The following DMD variants were observed in gnomAD, a reference collection of about 807,000 sequenced individuals.
DMD encodes mutant dystrophin.
DMD carries 63 observed loss-of-function variants against 330.1 expected under a neutral mutation model. The observed-to-expected ratio is 0.19, with a 90% confidence interval of 0.16 to 0.24. The LOEUF is 0.24. DMD is among the 10% of genes least tolerant of loss of function. The probability of loss-of-function intolerance (pLI) is 1.00; values close to 1 mark genes in which losing one functional copy is unlikely to be tolerated. For missense variants in DMD, 3,344 were observed against 2,684.1 expected (o/e 1.25, Z -5.43); for synonymous variants, 1,223 against 959.8 (o/e 1.27, Z -5.07).
intron 55 of DMD, among the ~76,000 whole-genome samples, chrX:31,606,927 T>C (rs1047610371): frequency 1.1e-4 from 12 of 112,095 alleles, no homozygotes; most frequent in African/African-American, 3.9e-4. Flanking sequence ...GATCAACAGA[T>C]TGCATACATT....
At chrX:32,700,319 A>G (rs2063999325) in intron 7 of DMD, among the ~76,000 whole-genome samples, 1 of 111,431 alleles carries the variant, frequency 9.0e-6, no homozygotes, top group Non-Finnish European at 1.9e-5. Flanking sequence ...AGGCACAGAA[A>G]GATAAGTACC....
At chrX:31,265,461 T>C (rs2050946363) in intron 62 of DMD, among the ~76,000 whole-genome samples, 1 of 111,790 alleles carries the variant, frequency 8.9e-6, no homozygotes, top group Non-Finnish European at 1.9e-5. Flanking sequence ...TCTGTCTGGC[T>C]AAAGCCAGGG....
At chrX:31,949,138 G>T (rs770725902) in intron 45 of DMD, among the ~76,000 whole-genome samples, 1 of 110,763 alleles carries the variant, frequency 9.0e-6, no homozygotes, top group South Asian at 3.8e-4. Flanking sequence ...TATAAATTGT[G>T]GGATCAATTT....
At chrX:31,811,988 CA>C (rs755731919) in intron 50 of DMD, among the ~76,000 whole-genome samples, 3 of 107,347 alleles carry the variant, frequency 2.8e-5, no homozygotes, top group African/African-American at 6.8e-5. Flanking sequence ...GCCATTTTCA[CA>C]AAAAAAATGA....
intron 59 of DMD, among the ~76,000 whole-genome samples, chrX:31,469,772 T>G (rs1333457146): frequency 8.9e-6 from 1 of 112,113 alleles, no homozygotes; most frequent in Non-Finnish European, 1.9e-5. Context: ...GTTTTCCAAC[T>G]TGGTTCCATT....
At chrX:31,734,371 T>C (rs1231641120) in intron 51 of DMD, among the ~76,000 whole-genome samples, 1 of 111,307 alleles carries the variant, frequency 9.0e-6, no homozygotes, top group Non-Finnish European at 1.9e-5. Flanking sequence ...AGCGTGGCTT[T>C]AGTACCATAA....
rs1057354191 is a variant in DMD at position 31,121,038 on chromosome X, G to A, written c.*881C>T. The A allele has an allele frequency of 8.9e-6, 1 of 111,806 alleles. No individual in the cohort carries two copies. Among genetic ancestry groups the A allele is most frequent in the Admixed American group, 9.6e-5 (1 of 10,425 alleles). 9.2% of individuals were successfully genotyped at this position (111,806 alleles called of 1,213,427 possible). ...ATCTGGAGCTGTAGACAATGTTTTA[G>A]TGTGGTGTAGTTTCCTCCTGGCTTC... On this transcript the variant is annotated 3_prime_UTR_variant, in exon 79 of 79. Coordinates refer to ENST00000357033, the MANE Select transcript of DMD (RefSeq NM_004006.3).
chrX:32,879,021 A>AAAAAAAAAAAAAAAC (rs1352069437), intron 2 of DMD, among the ~76,000 whole-genome samples: 10 of 101,776 alleles, frequency 9.8e-5, no homozygotes, highest in South Asian at 4.2e-4. Flanking sequence ...AAAAAAACAA[A>AAAAAAAAAAAAAAAC]AAACAAAAAA....
chrX:31,283,094 A>G (rs141402795), intron 62 of DMD, among the ~76,000 whole-genome samples: 5,193 of 111,734 alleles, frequency 0.046, 115 homozygotes, highest in Non-Finnish European at 0.075. Context: ...AATATTAGGC[A>G]AAATTCTTTA....
At chrX:31,202,870 CA>C (rs910664043) in intron 67 of DMD, among the ~76,000 whole-genome samples, 9 of 112,470 alleles carry the variant, frequency 8.0e-5, no homozygotes, top group Non-Finnish European at 1.7e-4. Flanking sequence ...AGAAAGGCCA[CA>C]AAAAATGTTT....
intron 51 of DMD, among the ~76,000 whole-genome samples, chrX:31,766,549 T>A (rs2090009348): frequency 1.8e-5 from 2 of 112,232 alleles, no homozygotes; most frequent in South Asian, 7.3e-4. Flanking sequence ...TGAGCTACCA[T>A]GCCCGGCCCA....
chrX:31,264,913 G>A (rs915720616), intron 62 of DMD, among the ~76,000 whole-genome samples: 4 of 112,434 alleles, frequency 3.6e-5, no homozygotes, highest in Non-Finnish European at 7.5e-5. Context: ...TATTGGAATT[G>A]CTTTTTTAGT....
chrX:32,033,586 C>A (rs2095904058), intron 44 of DMD, among the ~76,000 whole-genome samples: 1 of 46,225 alleles, frequency 2.2e-5, no homozygotes. Context: ...TTTAAAAAAA[C>A]AAGACAGACA....
intron 43 of DMD, among the ~76,000 whole-genome samples, chrX:32,249,251 A>G (rs1403394975): frequency 8.9e-6 from 1 of 112,172 alleles, no homozygotes; most frequent in Non-Finnish European, 1.9e-5. Context: ...TCAGTTACTG[A>G]GTCAGAACTG....
intron 27 of DMD, among the ~76,000 whole-genome samples, chrX:32,446,011 G>A (rs1162841735): frequency 9.1e-6 from 1 of 110,421 alleles, no homozygotes; most frequent in African/African-American, 3.3e-5. Flanking sequence ...CCAAAATTGA[G>A]CAGATAGAGA....
rs778224375 is a variant in DMD at position 32,436,307 on chromosome X, C to T, written c.4071+1934G>A. ...GTAGTTAATACTTATTTGTGTTAAA[C>T]CATCTCTGTTTAAGTGACTGAGTGG... On this transcript the variant is annotated intron_variant, in intron 29 of 78. Coordinates refer to ENST00000357033, the MANE Select transcript of DMD (RefSeq NM_004006.3). 6.3e-5 allele frequency among the ~76,000 whole-genome samples: 7 copies of T among 111,779 alleles called. No homozygotes were observed. The South Asian group carries it at 1.9e-3, about 30-fold the overall frequency.
intron 9 of DMD, among the ~76,000 whole-genome samples, chrX:32,652,011 A>G (rs995889261): frequency 9.0e-6 from 1 of 111,561 alleles, no homozygotes; most frequent in African/African-American, 3.3e-5. Flanking sequence ...GAAATGCTAC[A>G]TTGTGCCTCC....
chrX:32,868,685 G>C (rs1458226768), intron 2 of DMD, among the ~76,000 whole-genome samples: 2 of 112,556 alleles, frequency 1.8e-5, no homozygotes, highest in Non-Finnish European at 3.8e-5. Flanking sequence ...CCTCCTCACT[G>C]GGCAGGGCCT....
At chrX:31,336,829 T>C (rs1040228490) in intron 61 of DMD, among the ~76,000 whole-genome samples, 1 of 111,760 alleles carries the variant, frequency 8.9e-6, no homozygotes, top group African/African-American at 3.3e-5. Flanking sequence ...GATATGATAC[T>C]GTAATAGTCT....
Sources: gnomAD v4.1 joint callset for allele counts (sites outside exome capture counted in the v4.1 genomes callset) on GRCh38, gnomAD v4.1.1 for gene constraint, MANE v1.5 for transcripts, NCBI Gene and HGNC (gene_info 2026-07-23, HGNC 2026-07-21) for gene names.